The following ZBTB45 variants were observed in gnomAD, a reference collection of about 807,000 sequenced individuals.
The protein encoded by ZBTB45 is zinc finger and BTB domain-containing protein 45.
ZBTB45 carries 22 observed loss-of-function variants against 28.4 expected under a neutral mutation model. The observed-to-expected ratio is 0.77, with a 90% CI of 0.55 to 1.10. The LOEUF (loss-of-function observed/expected upper bound fraction) is 1.10, where lower values mean the gene tolerates loss of function less well. ZBTB45 is among the 50% of genes least tolerant of loss of function. The pLI, the probability that ZBTB45 is intolerant of heterozygous loss-of-function variation, is 0.00. For missense variants in ZBTB45, 656 were observed against 750.2 expected (o/e 0.87, Z 1.47); for synonymous variants, 361 against 332.3 (o/e 1.09, Z -0.94).
At chr19:58,524,551 A>G (rs1357523552), upstream of ZBTB45, among the ~76,000 whole-genome samples, 1 of 150,808 alleles carries the variant, frequency 6.6e-6, no homozygotes, top group Non-Finnish European at 1.5e-5. Flanking sequence ...CAGGTTTGAC[A>G]AGCTAGGGAG....
At chr19:58,518,392 G>A (rs976374191) in intron 1 of ZBTB45, among the ~76,000 whole-genome samples, 2 of 152,160 alleles carry the variant, frequency 1.3e-5, no homozygotes, top group Admixed American at 1.3e-4. Flanking sequence ...TACCTTGGGA[G>A]ATGCCCCAGG....
Position 58,516,979 on chromosome 19 carries a change from T to G in ZBTB45, c.695A>C (p.Gln232Pro). 1 of 1,613,184 alleles carries G rather than the reference T, an allele frequency of 6.2e-7. No homozygotes were observed. The highest frequency in any genetic ancestry group is 8.5e-7 in the Non-Finnish European group (1 of 1,179,990). The change falls in exon 2 of 3, where the codon CAG (glutamine) becomes CCG (proline). Residue 232 changes from glutamine to proline, a missense_variant. By Grantham distance (76) the Gln-to-Pro change is moderately conservative (BLOSUM62 -1). Coordinates refer to ENST00000594051, the MANE Select transcript of ZBTB45 (RefSeq NM_001316979.2). The surrounding 1 kb of genome is among the most constrained non-coding windows in gnomAD (Gnocchi z 6.2). ...ACAGTCTGGGAAGGAAGGAGGTGCC[T>G]GGCCCTCGCCTGGGCCGCCACCTTC... ...DGEGGGPGEG[Q>P]APPSFPDCAA...
In ZBTB45 at chr19:58,526,525, ATTT is replaced by A. The variant is rs71293931; in HGVS notation, c.1-8855_1-8853del. Among the ~76,000 whole-genome samples the A allele has an allele frequency of 2.0e-3, 264 of 130,960 alleles. 3 individuals carry two copies. The highest frequency in any genetic ancestry group is 3.6e-3 in the Non-Finnish European group (227 of 63,120). 85.9% of individuals were successfully genotyped at this position (130,960 alleles called of 152,430 possible). On this transcript the variant is annotated intron_variant, in intron 1 of 1. Coordinates refer to the ZBTB45 transcript ENST00000600130. ...ACGCCTGGCTGTTATTATTATTATT[ATTT>A]TTTTTTTTTTTTTTTTTTTTTGAGA... is the stretch of plus-strand genomic sequence containing the variant.
upstream of ZBTB45, among the ~76,000 whole-genome samples, chr19:58,520,792 A>C (rs569844487): frequency 1.3e-5 from 2 of 152,166 alleles, no homozygotes; most frequent in Non-Finnish European, 2.9e-5. Flanking sequence ...GCAGTGGCTC[A>C]TGCCTGTAAT....
chr19:58,529,220 G>A (rs914300501), intron 1 of ZBTB45, among the ~76,000 whole-genome samples: 2 of 152,040 alleles, frequency 1.3e-5, no homozygotes, highest in Non-Finnish European at 1.5e-5. Context: ...CAGGGGGATC[G>A]CTTGATCCCA....
chr19:58,523,031 G>C (rs1382384972), upstream of ZBTB45, among the ~76,000 whole-genome samples: 1 of 152,134 alleles, frequency 6.6e-6, no homozygotes, highest in Non-Finnish European at 1.5e-5. Flanking sequence ...TTCAGGGTAG[G>C]AAGGAGAGGA....
At chr19:58,514,437 C>G (rs548648116) in intron 2 of ZBTB45, 127 bp from the exon 3 acceptor site, 1 of 1,237,648 alleles carries the variant, frequency 8.1e-7, no homozygotes, top group East Asian at 2.6e-5. Context: ...ACCACCACCC[C>G]GGGATCCCTT....
chr19:58,520,374 G>A (rs562238641), upstream of ZBTB45, among the ~76,000 whole-genome samples: 4 of 152,238 alleles, frequency 2.6e-5, no homozygotes, highest in Non-Finnish European at 1.5e-5. Flanking sequence ...GCTAGACCCT[G>A]TGAGATTCTG....
intron 1 of ZBTB45, among the ~76,000 whole-genome samples, chr19:58,531,383 T>C (rs1568651696): frequency 1.3e-5 from 2 of 152,182 alleles, no homozygotes. Context: ...AACCCTAACG[T>C]GGGGCACTGA....
intron 1 of ZBTB45, 59 bp from the exon 2 acceptor site, chr19:58,517,732 C>T (rs1046774363): frequency 1.4e-5 from 21 of 1,499,774 alleles, no homozygotes; most frequent in African/African-American, 1.2e-4. Flanking sequence ...TCTGTCCCAA[C>T]GTCCCTGTCC....
chr19:58,517,934 T>C (rs2053535050), intron 1 of ZBTB45, among the ~76,000 whole-genome samples: 1 of 148,506 alleles, frequency 6.7e-6, no homozygotes. Context: ...AGCACACCCC[T>C]AGGAGAGGGT....
At chr19:58,537,654 C>G (rs112046306) in intron 1 of ZBTB45, among the ~76,000 whole-genome samples, 2,692 of 152,112 alleles carry the variant, frequency 0.018, 73 homozygotes, top group African/African-American at 0.061. Flanking sequence ...TTGGGGCAGC[C>G]CCTAGGAGAG....
At chr19:58,519,283 A>G (rs1221633045) in intron 1 of ZBTB45, 1 of 152,304 alleles carries the variant, frequency 6.6e-6, no homozygotes, top group South Asian at 2.1e-4. Context: ...AAAGGATTCT[A>G]ATCTGTCCGG....
At chr19:58,538,194 CT>C (rs954140596) in intron 1 of ZBTB45, among the ~76,000 whole-genome samples, 203 of 148,128 alleles carry the variant, frequency 1.4e-3, no homozygotes, top group Non-Finnish European at 2.3e-3. Flanking sequence ...CCAGCACCAA[CT>C]TTTTTTTTTT....
chr19:58,524,761 T>A (rs1359336939), upstream of ZBTB45, among the ~76,000 whole-genome samples: 1 of 151,834 alleles, frequency 6.6e-6, no homozygotes, highest in East Asian at 1.9e-4. Context: ...CAGGCGCCTG[T>A]AGTCCCAGCT....
At chr19:58,538,907 T>G (rs140516424) in exon 1 of ZBTB45, 2 of 152,364 alleles carry the variant, frequency 1.3e-5, no homozygotes, top group East Asian at 3.9e-4. Context: ...CACCACGTTT[T>G]CAACGCGCTG....
upstream of ZBTB45, among the ~76,000 whole-genome samples, chr19:58,521,920 T>G (rs142217398): frequency 1.4e-3 from 206 of 152,138 alleles, no homozygotes; most frequent in African/African-American, 4.8e-3. Flanking sequence ...ACAGACAGGG[T>G]CAGGATGCCT....
chr19:58,533,553 A>G (rs1162956376), intron 1 of ZBTB45, among the ~76,000 whole-genome samples: 1 of 151,966 alleles, frequency 6.6e-6, no homozygotes, highest in African/African-American at 2.4e-5. Context: ...TGACAGAATA[A>G]AGTTTTTTTT....
At chr19:58,524,617 C>T (rs1196453395), upstream of ZBTB45, among the ~76,000 whole-genome samples, 2 of 152,028 alleles carry the variant, frequency 1.3e-5, no homozygotes, top group Non-Finnish European at 2.9e-5. Context: ...GGTGCAGTGG[C>T]TCACACCTGT....
Sources: allele counts gnomAD v4.1 joint callset (sites outside exome capture counted in the v4.1 genomes callset), GRCh38; gene constraint gnomAD v4.1.1; non-coding constraint Gnocchi (gnomAD v3.1); transcripts MANE v1.5; gene names NCBI Gene and HGNC (gene_info 2026-07-23, HGNC 2026-07-21).